KCNAB2: variants seen among roughly 807,000 people sequenced by gnomAD.
KCNAB2 encodes the protein potassium voltage-gated channel subfamily A regulatory beta subunit 2.
KCNAB2 carries 29 observed loss-of-function variants against 63.6 expected under a neutral mutation model. The observed-to-expected ratio is 0.46, with a 90% CI of 0.34 to 0.62. The LOEUF (loss-of-function observed/expected upper bound fraction) is 0.62, where lower values mean the gene tolerates loss of function less well. Among genes scored for constraint, KCNAB2 ranks in the 20% least tolerant of loss-of-function variants. KCNAB2 has a pLI of 0.01. For missense variants in KCNAB2, 359 were observed against 563.9 expected, an observed-to-expected ratio of 0.64 and a Z score of 3.68; for synonymous variants, 222 against 224.2, an observed-to-expected ratio of 0.99 and a Z score of 0.09.
rs1402549141 is a variant in KCNAB2, at chr1:6,074,258, C to T, written c.300+488C>T. 6.6e-6 allele frequency among the ~76,000 whole-genome samples: 1 copy of T among 152,240 alleles called. No homozygotes were observed. Among genetic ancestry groups the T allele is most frequent in the Non-Finnish European group, 1.5e-5 (1 of 68,048 alleles). ...CCAACATCCACTGTCCATTTCCCAG[C>T]TGCCGCGAACCGTGCGGATCGCAGT... On this transcript the variant is annotated intron_variant, in intron 4 of 15. Transcript: ENST00000378083. This position sits in a 1 kb window ranked among gnomAD's most constrained non-coding sequence, Gnocchi z 4.9.
At chr1:6,097,212 C>T in intron 14 of KCNAB2, 57 bp from the exon 15 acceptor site, 1 of 1,488,278 alleles carries the variant, frequency 6.7e-7, no homozygotes, top group Non-Finnish European at 9.0e-7. Flanking sequence ...CAAGGCAGAC[C>T]CATCAGGGGC....
rs954827416 is a variant in KCNAB2 at position 6,000,664 on chromosome 1, A to AG, written c.-53+7876_-53+7877insG. 2.0e-5 allele frequency among the ~76,000 whole-genome samples: 3 copies of AG among 151,460 alleles called. 1 individual carries two copies. The highest frequency in any genetic ancestry group is 4.2e-4 in the South Asian group (2 of 4,784). ...GGGGGCTTCCCAGAAAAGAAAAAAAAAAAAAAGAAAACAGTGATATCCCTG... is the reference window on the plus strand; with the variant it reads ...GGGGGCTTCCCAGAAAAGAAAAAAAAGAAAAAAGAAAACAGTGATATCCCTG... On this transcript the variant is annotated intron_variant, in intron 1 of 16. Coordinates refer to the KCNAB2 transcript ENST00000341524.
rs565818280 is a variant in KCNAB2 at position 6,085,059 on chromosome 1, A to G, written c.381-145A>G. ...GCCAACCCTGTCTGTGGAATGAGCT[A>G]CTGAGCCAAGGCGGGTGTTAACAGC... On this transcript the variant is annotated intron_variant, in intron 5 of 15. Transcript: ENST00000378083. The G allele has an allele frequency of 1.4e-5, 11 of 784,938 alleles. No individual in the cohort carries two copies. The South Asian group carries it at 1.7e-4, about 12-fold the overall frequency. The allele number at this position is 784,938 out of a possible 1,614,324, so 48.6% of individuals were successfully genotyped here.
At chr1:6,097,549 CAAG>C (rs758026864) in intron 15 of KCNAB2, 192 bp downstream of exon 15, 3 of 990,858 alleles carry the variant, frequency 3.0e-6, no homozygotes, top group Non-Finnish European at 4.5e-6. Context: ...CTGCACGAAA[CAAG>C]GAGGTTAGAA....
At chr1:6,025,715 T>A (rs1314884641) in intron 1 of KCNAB2, among the ~76,000 whole-genome samples, 2 of 152,164 alleles carry the variant, frequency 1.3e-5, no homozygotes, top group African/African-American at 4.8e-5. Context: ...CAGCCAGCCC[T>A]GAGTCCAGGG....
intron 1 of KCNAB2, among the ~76,000 whole-genome samples, chr1:5,993,472 C>T (rs1656692646): frequency 1.3e-5 from 2 of 152,204 alleles, no homozygotes; most frequent in African/African-American, 2.4e-5. Flanking sequence ...TAAGCTTCTC[C>T]CTCCTGCCAG....
Position 6,072,757 on chromosome 1 carries a change from A to G in KCNAB2, c.221A>G (p.Asn74Ser). 1 of 1,613,642 alleles carries G rather than the reference A, an allele frequency of 6.2e-7. No homozygotes were observed. Among genetic ancestry groups the G allele is most frequent in the Non-Finnish European group, 8.5e-7 (1 of 1,179,778 alleles). Residue 74 changes from asparagine (N) to serine (S), a missense_variant and splice_region_variant, in exon 3 of 16, where the codon AAC (asparagine) becomes AGC (serine). This residue lies in a region of KCNAB2 where 271 missense variants were observed against 476.1 expected (regional missense o/e 0.57). Transcript: ENST00000378083. Reference sequence around the variant, plus strand: ...CTCACGTGGCGTTTGTTTTTCAGGAACCTGGGCAAGTCTGGCCTGCGGGTC... The same window carrying G: ...CTCACGTGGCGTTTGTTTTTCAGGAGCCTGGGCAAGTCTGGCCTGCGGGTC... ...TAQRTGMKYR[N>S]LGKSGLRVSC...
At chr1:6,032,749 C>T (rs1332391020), upstream of KCNAB2, among the ~76,000 whole-genome samples, 1 of 152,224 alleles carries the variant, frequency 6.6e-6, no homozygotes, top group Non-Finnish European at 1.5e-5. Flanking sequence ...TGCTTGTTCG[C>T]CCCTGCCTGG....
At chr1:6,001,673 C>T (rs1249749654) in intron 1 of KCNAB2, among the ~76,000 whole-genome samples, 1 of 152,136 alleles carries the variant, frequency 6.6e-6, no homozygotes, top group Non-Finnish European at 1.5e-5. Context: ...CAGGATAACA[C>T]CTGTCCCCAG....
At chr1:6,076,430 C>T (rs527562330) in intron 4 of KCNAB2, among the ~76,000 whole-genome samples, 42 of 152,324 alleles carry the variant, frequency 2.8e-4, no homozygotes, top group Admixed American at 8.5e-4. Context: ...TTGTTAGGTG[C>T]CCTTTCTGTG....
chr1:6,014,672 G>A (rs1359378360), intron 1 of KCNAB2, among the ~76,000 whole-genome samples: 2 of 152,214 alleles, frequency 1.3e-5, no homozygotes, highest in Non-Finnish European at 2.9e-5. Context: ...CCTGATGCCT[G>A]CGATCTGATG....
intron 14 of KCNAB2, 132 bp from the exon 15 acceptor site, chr1:6,097,137 C>A: frequency 9.6e-7 from 1 of 1,040,568 alleles, no homozygotes; most frequent in Non-Finnish European, 1.4e-6. Flanking sequence ...CCCAGCACTG[C>A]AGGGCTTCCT....
intron 6 of KCNAB2, chr1:6,085,801 TGG>T: frequency 1.0e-6 from 1 of 982,638 alleles, no homozygotes; most frequent in Non-Finnish European, 1.2e-6. Context: ...AGGGTGTGTG[TGG>T]GACCGTTCCG....
chr1:6,015,775 G>A (rs930109770), intron 1 of KCNAB2, among the ~76,000 whole-genome samples: 1 of 152,106 alleles, frequency 6.6e-6, no homozygotes, highest in African/African-American at 2.4e-5. Flanking sequence ...CGCAGTCATG[G>A]CCCAGTGCAG....
chr1:6,033,381 GTA>G (rs1353401761), upstream of KCNAB2, among the ~76,000 whole-genome samples: 2 of 151,678 alleles, frequency 1.3e-5, no homozygotes, highest in African/African-American at 4.8e-5. Flanking sequence ...ATGTGTGCGT[GTA>G]TGTGTGCATT....
rs1179417279 is a variant in KCNAB2, at chr1:5,994,384, G to A, written c.-53+1596G>A. ...CCTGGCCCTGTGCTCTCGCAGTGTG[G>A]GGCCCTAAGAGTGCACTTGGTCCTC... On this transcript the variant is annotated intron_variant, in intron 1 of 16. Coordinates refer to the KCNAB2 transcript ENST00000341524. The surrounding 1 kb of genome is among the most constrained non-coding windows in gnomAD (Gnocchi z 5.4). Among the ~76,000 whole-genome samples the A allele has an allele frequency of 6.6e-6, 1 of 152,212 alleles. No individual in the cohort carries two copies. Among genetic ancestry groups the A allele is most frequent in the Admixed American group, 6.5e-5 (1 of 15,282 alleles).
intron 2 of KCNAB2, among the ~76,000 whole-genome samples, chr1:6,063,095 C>T (rs1018162325): frequency 6.6e-6 from 1 of 151,580 alleles, no homozygotes; most frequent in Non-Finnish European, 1.5e-5. Flanking sequence ...AGCGCAACCT[C>T]GGCTTACTGC....
intron 1 of KCNAB2, among the ~76,000 whole-genome samples, chr1:6,015,016 CTTTTTTTTTTTTTTT>C (rs34742623): frequency 6.0e-5 from 5 of 82,786 alleles, no homozygotes; most frequent in Non-Finnish European, 1.2e-4. Context: ...GGTCACCTTC[CTTTTTTTTTTTTTTT>C]TTTTTTTTTT....
At chr1:6,082,341 T>C in intron 5 of KCNAB2, 67 bp downstream of exon 5, 2 of 1,252,872 alleles carry the variant, frequency 1.6e-6, no homozygotes, top group Non-Finnish European at 1.2e-6. Context: ...CTACAGGGAT[T>C]CCTGCCGCTC....
Sources: allele counts gnomAD v4.1 joint callset (sites outside exome capture counted in the v4.1 genomes callset), GRCh38; gene constraint gnomAD v4.1.1; regional missense constraint gnomAD v4.1.1; non-coding constraint Gnocchi (gnomAD v3.1); transcripts MANE v1.5; gene names NCBI Gene and HGNC (gene_info 2026-07-23, HGNC 2026-07-21).